The following UBAP1L variants were observed in gnomAD, a reference collection of about 807,000 sequenced individuals.
UBAP1L encodes ubiquitin-associated protein 1-like.
UBAP1L carries 32 observed loss-of-function variants against 32.1 expected under a neutral mutation model. The ratio of observed to expected loss-of-function variants is 1.00; its 90% confidence interval spans 0.75 to 1.34. The LOEUF (loss-of-function observed/expected upper bound fraction) is 1.34. Among genes scored for constraint, UBAP1L ranks in the 40% most tolerant of loss-of-function variants. The pLI, the probability that UBAP1L is intolerant of heterozygous loss-of-function variation, is 0.00. For synonymous variants in UBAP1L, 243 were observed against 250.2 expected (o/e 0.97, Z 0.27); for missense variants, 516 against 540.5 (o/e 0.95, Z 0.45).
At chr15:65,105,921 G>T in intron 2 of UBAP1L, 175 bp downstream of exon 2, 2 of 869,116 alleles carry the variant, frequency 2.3e-6, no homozygotes, top group Non-Finnish European at 3.6e-6. Context: ...CTTCCGAGTA[G>T]CTGGGATTAC....
intron 4 of UBAP1L, chr15:65,097,991 G>T (rs1192331546): frequency 1.3e-5 from 2 of 152,276 alleles, no homozygotes; most frequent in Non-Finnish European, 2.9e-5. Context: ...CAACTACCCT[G>T]GGGCCAGCCA....
chr15:65,108,773 A>AATT (rs1566969071), intron 1 of UBAP1L, among the ~76,000 whole-genome samples: 10 of 150,920 alleles, frequency 6.6e-5, no homozygotes, highest in African/African-American at 2.2e-4. Context: ...ATAAATAAAT[A>AATT]AATAAATTAA....
intron 4 of UBAP1L, 37 bp downstream of exon 4, chr15:65,099,468 G>GAAAAT (rs1177177694): frequency 1.6e-5 from 25 of 1,540,942 alleles, no homozygotes; most frequent in Non-Finnish European, 2.1e-5. Context: ...CCTGGCTCCA[G>GAAAAT]CATCACAGCT....
intron 2 of UBAP1L, chr15:65,105,876 C>A: frequency 1.4e-6 from 1 of 703,586 alleles, no homozygotes. Context: ...CTGCAACCTC[C>A]ACCTCCTGGA....
Position 65,105,634 on chromosome 15 carries a change from A to G in UBAP1L, c.120+462T>C, listed in dbSNP as rs2087300038. ...TTTAAGAACACTCGTGAAACTGTCCAGGCCATCAAGGGTATGCATATATGA... is the reference window on the plus strand; with the variant it reads ...TTTAAGAACACTCGTGAAACTGTCCGGGCCATCAAGGGTATGCATATATGA... On this transcript the variant is annotated intron_variant, in intron 2 of 5. Transcript: ENST00000559089. 9 of 666,938 alleles carry G rather than the reference A, an allele frequency of 1.3e-5. No homozygotes were observed. In the Admixed American group the frequency reaches 1.6e-4, roughly 12 times the overall value. 41.3% of individuals were successfully genotyped at this position (666,938 alleles called of 1,614,324 possible).
chr15:65,115,016 A>G (rs2087393748), intron 1 of UBAP1L, 134 bp downstream of exon 1: 1 of 152,248 alleles, frequency 6.6e-6, no homozygotes, highest in African/African-American at 2.4e-5. Flanking sequence ...ACAGGTGGCA[A>G]AAAACAAATT....
Position 65,099,542 on chromosome 15 carries a change from A to G in UBAP1L, c.872T>C (p.Ile291Thr). The G allele has an allele frequency of 1.9e-6, 3 of 1,551,140 alleles. No homozygotes were observed. Among genetic ancestry groups the G allele is most frequent in the East Asian group, 4.9e-5 (2 of 40,912 alleles). Residue 291 changes from isoleucine (I) to threonine (T), a missense_variant, in exon 4 of 6, where the codon ATA (isoleucine) becomes ACA (threonine). By Grantham distance (89) the Ile-to-Thr change is moderately conservative (BLOSUM62 -1). Coordinates refer to ENST00000559089, the MANE Select transcript of UBAP1L (RefSeq NM_001163692.2). ...ALGYPLRRAI[I>T]ALQKTGRQSL... ...CTGCCTCCCTGTCTTCTGCAGAGCT[A>G]TGATGGCCCTTCGCAGGGGATATCC...
At chr15:65,108,848 C>G (rs2087346059) in intron 1 of UBAP1L, among the ~76,000 whole-genome samples, 1 of 151,952 alleles carries the variant, frequency 6.6e-6, no homozygotes, top group South Asian at 2.1e-4. Flanking sequence ...TTCTGATAAA[C>G]TGGATTACAT....
At position 65,094,624 on chromosome 15, in the gene UBAP1L, G is replaced by A. The variant is rs563332305; in HGVS notation, c.910-48C>T. 54 of 1,416,256 alleles carry A rather than the reference G, an allele frequency of 3.8e-5. 1 individual carries two copies. In the African/African-American group the frequency reaches 4.1e-4, roughly 11 times the overall value. The allele number at this position is 1,416,256 out of a possible 1,614,324, so 87.7% of individuals were successfully genotyped here. A position where few individuals can be genotyped will look rare whatever the true frequency, so the allele number is the denominator to read the frequency against. On this transcript the variant is annotated intron_variant, in intron 4 of 5. Coordinates refer to ENST00000559089, the MANE Select transcript of UBAP1L (RefSeq NM_001163692.2). The surrounding 1 kb of genome is among the most constrained non-coding windows in gnomAD (Gnocchi z 4.2). ...GGGAGGGAGGGTAAGAGGAGCAGCC[G>A]GGGCAGCAGACAGGGCAGAGAGGCA...
chr15:65,107,876 C>G (rs576216807), intron 1 of UBAP1L, among the ~76,000 whole-genome samples: 1 of 151,730 alleles, frequency 6.6e-6, no homozygotes, highest in African/African-American at 2.4e-5. Flanking sequence ...AATGGAGGAA[C>G]ATACCACGTT....
chr15:65,112,489 C>T (rs2087374952), intron 1 of UBAP1L, among the ~76,000 whole-genome samples: 1 of 151,994 alleles, frequency 6.6e-6, no homozygotes, highest in South Asian at 2.1e-4. Context: ...GAGGTGGTGC[C>T]CATGTGCTTG....
At chr15:65,106,512 A>C in intron 1 of UBAP1L, 124 bp from the exon 2 acceptor site, 1 of 270,708 alleles carries the variant, frequency 3.7e-6, no homozygotes, top group Non-Finnish European at 6.8e-6. Flanking sequence ...ACTAGTTCTC[A>C]TGCATTTCAT....
rs575262273 is a variant in UBAP1L, at chr15:65,109,354, GC to G, written c.-173-2967del. ...AAAAATTAGCTGGGCATAGTGGTGG[GC>G]GCCTGTAGTCCCAGCTACTCAGGAG... On this transcript the variant is annotated intron_variant, in intron 1 of 5. Transcript: ENST00000559089. Among the ~76,000 whole-genome samples, 864 of 149,060 alleles carry G rather than the reference GC, an allele frequency of 5.8e-3. 5 individuals are homozygous for G. Among genetic ancestry groups the G allele is most frequent in the Middle Eastern group, 0.014 (4 of 288 alleles).
chr15:65,102,688 C>A lies in UBAP1L; in HGVS notation c.121-4G>T, dbSNP rs1452428264. ...TCCTCTCCAGGCTGAAGTCGTGCTG[C>A]GGAAAGAAGGCGACGTAAAGCCCAG... On this transcript the variant is annotated splice_polypyrimidine_tract_variant and splice_region_variant and intron_variant, in intron 2 of 5. Coordinates refer to ENST00000559089, the MANE Select transcript of UBAP1L (RefSeq NM_001163692.2). The surrounding 1 kb of genome is among the most constrained non-coding windows in gnomAD (Gnocchi z 5.0). The A allele has an allele frequency of 6.5e-7, 1 of 1,545,148 alleles. No individual in the cohort carries two copies. Among genetic ancestry groups the A allele is most frequent in the Non-Finnish European group, 8.7e-7 (1 of 1,146,400 alleles).
chr15:65,114,603 G>A (rs1037109330), intron 1 of UBAP1L, among the ~76,000 whole-genome samples: 6 of 152,132 alleles, frequency 3.9e-5, no homozygotes, highest in East Asian at 3.8e-4. Flanking sequence ...TAAACTCCAG[G>A]AGGTCAGGAA....
At position 65,092,817 on chromosome 15, in the gene UBAP1L, T is replaced by G. The variant is rs2140554220; in HGVS notation, c.*280A>C. 1 of 433,810 alleles carries G rather than the reference T, an allele frequency of 2.3e-6. No individual in the cohort carries two copies. Among genetic ancestry groups the G allele is most frequent in the East Asian group, 4.4e-5 (1 of 22,980 alleles). The allele number at this position is 433,810 out of a possible 1,614,324, so 26.9% of individuals were successfully genotyped here. On this transcript the variant is annotated 3_prime_UTR_variant, in exon 6 of 6. Coordinates refer to ENST00000559089, the MANE Select transcript of UBAP1L (RefSeq NM_001163692.2). ...ATTTTCTTAAAATCAAGGTTACTAA[T>G]GCACACAGTGTAAAGAGTCAAATCA...
rs1170111182 is a variant in UBAP1L at position 65,102,157 on chromosome 15, G to A, written c.648C>T (p.Pro216=). The part of the protein sequence containing the change: ...HPAAPASPPR[P]STAGAIPPLR... ...GCGGGGGGATGGCGCCTGCCGTGGA[G>A]GGCCGCGGGGGCGACGCGGGGGCGG... The change falls in exon 3 of 6, where the codon CCC becomes CCT. Residue 216 remains proline (P), a synonymous_variant. Transcript: ENST00000559089. This position sits in a 1 kb window ranked among gnomAD's most constrained non-coding sequence, Gnocchi z 5.0. The A allele has an allele frequency of 1.7e-6, 2 of 1,205,158 alleles. No individual in the cohort carries two copies. Among genetic ancestry groups the A allele is most frequent in the Non-Finnish European group, 2.1e-6 (2 of 969,670 alleles). 74.7% of individuals were successfully genotyped at this position (1,205,158 alleles called of 1,614,324 possible).
chr15:65,110,290 C>T (rs542557114), intron 1 of UBAP1L, among the ~76,000 whole-genome samples: 2 of 151,722 alleles, frequency 1.3e-5, no homozygotes, highest in South Asian at 2.1e-4. Context: ...ACCAGGGAGG[C>T]GGAGATTGCA....
Position 65,106,279 on chromosome 15 carries a change from A to C in UBAP1L, c.-64T>G, listed in dbSNP as rs1400027336. On this transcript the variant is annotated 5_prime_UTR_variant, in exon 2 of 6. Transcript: ENST00000559089. ...AGGCTGCTTGATGGCAGGGAGAGAG[A>C]GTCGAGTCCTGAGGACCAGGCTCAG... 1 of 1,491,000 alleles carries C rather than the reference A, an allele frequency of 6.7e-7. No individual in the cohort carries two copies. Among genetic ancestry groups the C allele is most frequent in the African/African-American group, 1.4e-5 (1 of 69,868 alleles). 92.4% of individuals were successfully genotyped at this position (1,491,000 alleles called of 1,614,324 possible). A position where few individuals can be genotyped will look rare whatever the true frequency, so the allele number is the denominator to read the frequency against.
Sources: gnomAD v4.1 joint callset for allele counts (sites outside exome capture counted in the v4.1 genomes callset) on GRCh38, gnomAD v4.1.1 for gene constraint, Gnocchi (gnomAD v3.1) non-coding constraint, MANE v1.5 for transcripts, NCBI Gene and HGNC (gene_info 2026-07-23, HGNC 2026-07-21) for gene names.